The following SLCO1A2 variants were observed in gnomAD, a reference collection of about 807,000 sequenced individuals.
SLCO1A2 encodes solute carrier organic anion transporter family member 1A2, also known as OATP-1.
SLCO1A2 carries 67 observed loss-of-function variants against 69.0 expected under a neutral mutation model. That is an observed-to-expected ratio of 0.97 (90% CI 0.80 to 1.19). SLCO1A2 has a LOEUF of 1.19. Among genes scored for constraint, SLCO1A2 ranks in the 50% most tolerant of loss-of-function variants. The probability of loss-of-function intolerance (pLI) is 0.00; values close to 1 mark genes in which losing one functional copy is unlikely to be tolerated. For missense variants in SLCO1A2, 787 were observed against 793.7 expected (o/e 0.99, Z 0.10); for synonymous variants, 260 against 265.9 (o/e 0.98, Z 0.22).
intron 12 of SLCO1A2, among the ~76,000 whole-genome samples, chr12:21,277,384 C>A (rs1379420010): frequency 1.3e-5 from 2 of 152,172 alleles, no homozygotes; most frequent in South Asian, 2.1e-4. Context: ...GCCTGAATAA[C>A]CAACAGCTAT....
intron 3 of SLCO1A2, among the ~76,000 whole-genome samples, chr12:21,316,277 T>C (rs914673776): frequency 1.3e-5 from 2 of 152,200 alleles, no homozygotes; most frequent in South Asian, 2.1e-4. Flanking sequence ...ATCTCTCATA[T>C]GTATTTTAAG....
chr12:21,405,185 C>T (rs994720396), intron 1 of SLCO1A2, among the ~76,000 whole-genome samples: 12 of 151,496 alleles, frequency 7.9e-5, no homozygotes, highest in African/African-American at 2.9e-4. Flanking sequence ...TGTCTGTTCA[C>T]TCGGATGATA....
rs773706915 is a variant in SLCO1A2 at position 21,293,980 on chromosome 12, C to T, written c.1402G>A (p.Gly468Ser). The T allele has an allele frequency of 1.2e-6, 2 of 1,612,104 alleles. No homozygotes were observed. The highest frequency in any genetic ancestry group is 1.1e-5 in the South Asian group (1 of 90,704). ...GLSYLSACLA[G>S]CETSIGTGIN... The stretch of plus-strand genomic sequence containing the variant: ...CCCGTTCCAATGGATGTCTCACAAC[C>T]AGCAAGACAAGCTGACAGATATGAC... The change falls in exon 11 of 15, where the codon GGT becomes AGT. Residue 468 changes from glycine to serine, a missense_variant. Transcript: ENST00000683939.
Position 21,334,633 on chromosome 12 carries a change from C to A in SLCO1A2, c.15G>T (p.Glu5Asp). The A allele has an allele frequency of 6.2e-7, 1 of 1,610,108 alleles. No individual in the cohort carries two copies. Among genetic ancestry groups the A allele is most frequent in the Non-Finnish European group, 8.5e-7 (1 of 1,177,792 alleles). Residue 5 changes from glutamate to aspartate, a missense_variant, in exon 2 of 15, where the codon GAG becomes GAT. Physicochemically the swap from Glu to Asp is conservative, Grantham distance 45. Transcript: ENST00000683939. ...TTATTCTATGGGTTTCAATTCTTTT[C>A]TCAGTTTCTCCCATGTTGCTCTTCA... is the stretch of plus-strand genomic sequence containing the variant. MGET[E>D]KRIETHRIRC...
intron 2 of SLCO1A2, among the ~76,000 whole-genome samples, chr12:21,325,022 T>G (rs1205086341): frequency 6.6e-6 from 1 of 152,168 alleles, no homozygotes; most frequent in East Asian, 1.9e-4. Flanking sequence ...TAAATGTCCC[T>G]CAACTGGAAA....
In SLCO1A2 at chr12:21,297,552, C is replaced by G; in HGVS notation, c.927G>C (p.Met309Ile). 6.4e-7 allele frequency: 1 copy of G among 1,571,884 alleles called. No homozygotes were observed. Among genetic ancestry groups the G allele is most frequent in the Non-Finnish European group, 8.7e-7 (1 of 1,151,870 alleles). Residue 309 changes from methionine (M) to isoleucine (I), a missense_variant, in exon 9 of 15, where the codon ATG becomes ATC. Physicochemically the swap from Met to Ile is conservative, Grantham distance 10. Coordinates refer to ENST00000683939, the MANE Select transcript of SLCO1A2 (RefSeq NM_001386879.1). ...YGITKDFLPFMKSLSCNPIYM... is the reference protein window; with the variant it reads ...YGITKDFLPFIKSLSCNPIYM... ...AAATTGGATTGCAGGAAAGACTTTT[C>G]ATGAAAGGTAGAAAATCTGAAATGA... is the stretch of plus-strand genomic sequence containing the variant.
chr12:21,368,672 T>A (rs1939568062), intron 2 of SLCO1A2, among the ~76,000 whole-genome samples: 1 of 151,800 alleles, frequency 6.6e-6, no homozygotes, highest in Non-Finnish European at 1.5e-5. Context: ...CAGTGGGAGG[T>A]GGGAGGAAAG....
chr12:21,345,910 T>C (rs965763655), intron 2 of SLCO1A2, among the ~76,000 whole-genome samples: 6 of 152,038 alleles, frequency 3.9e-5, no homozygotes, highest in South Asian at 2.1e-4. Flanking sequence ...TTTTTGTGAA[T>C]ATTGTTAACA....
intron 3 of SLCO1A2, 115 bp downstream of exon 3, chr12:21,318,667 T>G (rs1269462452): frequency 1.2e-6 from 1 of 831,580 alleles, no homozygotes; most frequent in Non-Finnish European, 1.8e-6. Context: ...TTTAGAAAAC[T>G]TATAACTCGG....
chr12:21,384,311 A>T (rs1940757852), intron 1 of SLCO1A2, among the ~76,000 whole-genome samples: 2 of 152,234 alleles, frequency 1.3e-5, no homozygotes, highest in African/African-American at 4.8e-5. Context: ...AATCTACCCA[A>T]ATCCTAAATG....
rs554487725 is a variant in SLCO1A2 at position 21,307,673 on chromosome 12, G to A, written c.336-685C>T. Among the ~76,000 whole-genome samples the A allele has an allele frequency of 5.9e-5, 9 of 152,260 alleles. No individual in the cohort carries two copies. The South Asian group carries it at 1.5e-3, about 25-fold the overall frequency. On this transcript the variant is annotated intron_variant, in intron 4 of 14. Coordinates refer to ENST00000683939, the MANE Select transcript of SLCO1A2 (RefSeq NM_001386879.1). ...TCAGAAAGTAAATTACATGCCGTAAGATGGGAAAAAAAGTATGTTCAAAGT... is the reference window on the plus strand; with the variant it reads ...TCAGAAAGTAAATTACATGCCGTAAAATGGGAAAAAAAGTATGTTCAAAGT...
intron 2 of SLCO1A2, among the ~76,000 whole-genome samples, chr12:21,345,142 G>A (rs1953210082): frequency 6.6e-6 from 1 of 151,646 alleles, no homozygotes; most frequent in African/African-American, 2.4e-5. Context: ...ATCTCTTTTT[G>A]TTTCCTGCTT....
At chr12:21,284,164 C>T (rs1264477534) in intron 12 of SLCO1A2, among the ~76,000 whole-genome samples, 2 of 152,176 alleles carry the variant, frequency 1.3e-5, no homozygotes, top group Non-Finnish European at 2.9e-5. Flanking sequence ...TTGGAAGCAA[C>T]CTAAGTGTCC....
At chr12:21,363,969 A>C (rs1399168200) in intron 2 of SLCO1A2, among the ~76,000 whole-genome samples, 2 of 152,096 alleles carry the variant, frequency 1.3e-5, no homozygotes, top group South Asian at 2.1e-4. Flanking sequence ...ACCAGAGGTA[A>C]AAAGAGGAGC....
chr12:21,419,353 T>G (rs947366884), upstream of SLCO1A2: 3 of 155,618 alleles, frequency 1.9e-5, no homozygotes, highest in African/African-American at 7.2e-5. Flanking sequence ...CGCAGGTCAG[T>G]GGGTGCGTGC....
intron 12 of SLCO1A2, among the ~76,000 whole-genome samples, chr12:21,290,009 G>A (rs1401240501): frequency 8.6e-6 from 1 of 116,690 alleles, no homozygotes; most frequent in Non-Finnish European, 2.0e-5. Flanking sequence ...GTTTTTCTCA[G>A]TGTGTGTGTG....
chr12:21,302,541 T>C (rs911740402), intron 6 of SLCO1A2, among the ~76,000 whole-genome samples: 2 of 150,874 alleles, frequency 1.3e-5, no homozygotes, highest in Admixed American at 1.3e-4. Flanking sequence ...CTTGATTTCA[T>C]TTATTACCTC....
intron 2 of SLCO1A2, among the ~76,000 whole-genome samples, chr12:21,350,709 C>T (rs946308260): frequency 9.2e-5 from 14 of 151,612 alleles, no homozygotes; most frequent in Admixed American, 2.6e-4. Context: ...TGGTGGCACG[C>T]ACCTGTAGTC....
At chr12:21,304,391 C>T (rs745572645) in intron 6 of SLCO1A2, 36 bp downstream of exon 6, 3 of 1,531,194 alleles carry the variant, frequency 2.0e-6, no homozygotes, top group East Asian at 2.3e-5. Context: ...GAACATATTG[C>T]CCTGAAAAGA....
Sources: gnomAD v4.1 joint callset for allele counts (sites outside exome capture counted in the v4.1 genomes callset) on GRCh38, gnomAD v4.1.1 for gene constraint, MANE v1.5 for transcripts, NCBI Gene and HGNC (gene_info 2026-07-23, HGNC 2026-07-21) for gene names.